The following ARMH4 variants were observed in gnomAD, a reference collection of about 807,000 sequenced individuals.
The protein encoded by ARMH4 is armadillo-like helical domain-containing protein 4.
A neutral mutation model predicts 61.9 loss-of-function variants in ARMH4; 49 were observed. The ratio of observed to expected loss-of-function variants is 0.79; its 90% CI spans 0.63 to 1.00. The LOEUF (loss-of-function observed/expected upper bound fraction) is 1.00. ARMH4 is among the 50% of genes least tolerant of loss of function. The pLI, the probability that ARMH4 is intolerant of heterozygous loss-of-function variation, is 0.00. For missense variants in ARMH4, 934 were observed against 930.0 expected, an observed-to-expected ratio of 1.00 and a Z score of -0.06; for synonymous variants, 368 against 341.5, an observed-to-expected ratio of 1.08 and a Z score of -0.85.
At chr14:58,046,576 T>G (rs938968367) in intron 5 of ARMH4, among the ~76,000 whole-genome samples, 29 of 152,192 alleles carry the variant, frequency 1.9e-4, no homozygotes, top group Non-Finnish European at 3.8e-4. Context: ...ACCTGTTGCT[T>G]AGCAAAATTA....
At chr14:58,014,932 A>T (rs1000349148) in intron 5 of ARMH4, among the ~76,000 whole-genome samples, 1 of 152,184 alleles carries the variant, frequency 6.6e-6, no homozygotes, top group Admixed American at 6.5e-5. Flanking sequence ...AAATCAAAAG[A>T]GAGGTGGAGG....
rs531239771 is a variant in ARMH4 at position 58,146,142 on chromosome 14, G to A, written c.-57+5933C>T. Among the ~76,000 whole-genome samples, 15 of 152,340 alleles carry A rather than the reference G, an allele frequency of 9.8e-5. No homozygotes were observed. In the South Asian group the frequency reaches 3.1e-3, roughly 32 times the overall value. On this transcript the variant is annotated intron_variant, in intron 1 of 7. Coordinates refer to ENST00000267485, the MANE Select transcript of ARMH4 (RefSeq NM_001001872.4). The stretch of plus-strand genomic sequence containing the variant: ...AACACTGTATCCCCTTCCTGGCAAT[G>A]TGCCTGGCACAGAAGAAATGCTCAG...
chr14:58,084,935 T>C (rs1885334295), intron 5 of ARMH4, among the ~76,000 whole-genome samples: 1 of 152,232 alleles, frequency 6.6e-6, no homozygotes, highest in South Asian at 2.1e-4. Context: ...AATAAACAAG[T>C]TGATTTCAAC....
At chr14:58,117,211 A>T (rs937824049) in intron 4 of ARMH4, among the ~76,000 whole-genome samples, 3 of 152,374 alleles carry the variant, frequency 2.0e-5, no homozygotes, top group African/African-American at 7.2e-5. Flanking sequence ...CTATTTCTCA[A>T]GTATGCTATA....
At chr14:58,108,078 G>A (rs777187602) in intron 4 of ARMH4, among the ~76,000 whole-genome samples, 6 of 152,066 alleles carry the variant, frequency 3.9e-5, no homozygotes, top group Non-Finnish European at 8.8e-5. Flanking sequence ...ATCAAATTGG[G>A]TGCAAAACTT....
intron 5 of ARMH4, among the ~76,000 whole-genome samples, chr14:58,053,034 C>T (rs904999035): frequency 6.6e-6 from 1 of 152,190 alleles, no homozygotes; most frequent in Admixed American, 6.5e-5. Context: ...CCACCAAGAT[C>T]TTTTGATCCT....
chr14:58,090,759 AAT>A (rs1161471056), intron 5 of ARMH4, among the ~76,000 whole-genome samples: 1 of 151,870 alleles, frequency 6.6e-6, no homozygotes, highest in Non-Finnish European at 1.5e-5. Context: ...GTGTGCCTGT[AAT>A]CCCAGCTACT....
rs755272273 is a variant in ARMH4, at chr14:58,138,302, T to C, written c.1057A>G (p.Met353Val). Residue 353 changes from methionine (M) to valine (V), a missense_variant, in exon 2 of 8, where the codon ATG becomes GTG. Coordinates refer to ENST00000267485, the MANE Select transcript of ARMH4 (RefSeq NM_001001872.4). ...TCTGTCCAAGGCTGGCCTCCTTCCATACCCTCATGGCTTACTTGTGCTGTC... is the reference window on the plus strand; with the variant it reads ...TCTGTCCAAGGCTGGCCTCCTTCCACACCCTCATGGCTTACTTGTGCTGTC... ...SQTAQVSHEG[M>V]EGGQPWTEAA... 6.8e-6 allele frequency: 11 copies of C among 1,614,242 alleles called. No individual in the cohort carries two copies. In the South Asian group the frequency reaches 1.1e-4, roughly 16 times the overall value.
intron 1 of ARMH4, among the ~76,000 whole-genome samples, chr14:58,149,339 T>G (rs983644341): frequency 1.3e-5 from 2 of 152,176 alleles, no homozygotes; most frequent in South Asian, 4.1e-4. Context: ...ATTAAATAGC[T>G]GAATGACAAA....
chr14:58,021,318 T>C (rs527346405), intron 5 of ARMH4, among the ~76,000 whole-genome samples: 9 of 152,272 alleles, frequency 5.9e-5, no homozygotes, highest in African/African-American at 2.2e-4. Context: ...TGATAGTGAT[T>C]AAGTCTCACA....
At chr14:58,063,177 G>A (rs1884587364) in intron 5 of ARMH4, among the ~76,000 whole-genome samples, 1 of 152,096 alleles carries the variant, frequency 6.6e-6, no homozygotes, top group Admixed American at 6.6e-5. Context: ...CAGTCTTCAA[G>A]TGACCTCCTC....
intron 5 of ARMH4, among the ~76,000 whole-genome samples, chr14:58,053,391 T>C (rs1884211321): frequency 6.6e-6 from 1 of 152,200 alleles, no homozygotes; most frequent in Non-Finnish European, 1.5e-5. Flanking sequence ...GTTTGGTCCC[T>C]GTTGGTTCAC....
chr14:58,083,311 A>G (rs534904472), intron 5 of ARMH4, among the ~76,000 whole-genome samples: 1 of 152,330 alleles, frequency 6.6e-6, no homozygotes, highest in East Asian at 1.9e-4. Context: ...CAGGCATGGT[A>G]GCTCATGCCT....
chr14:58,085,904 TA>T, intron 5 of ARMH4, among the ~76,000 whole-genome samples: 1 of 152,278 alleles, frequency 6.6e-6, no homozygotes, highest in South Asian at 2.1e-4. Context: ...ACCAGGAACC[TA>T]AAACATTTAA....
chr14:58,126,677 A>C (rs1355920304), intron 4 of ARMH4, among the ~76,000 whole-genome samples: 3 of 152,226 alleles, frequency 2.0e-5, no homozygotes, highest in Non-Finnish European at 4.4e-5. Flanking sequence ...ATAAAGACAG[A>C]CAAAACAGTC....
intron 5 of ARMH4, among the ~76,000 whole-genome samples, chr14:58,012,959 A>C (rs1182910427): frequency 6.6e-6 from 1 of 152,232 alleles, no homozygotes; most frequent in Non-Finnish European, 1.5e-5. Context: ...TTACCTTTCA[A>C]AGTCATAATA....
At chr14:58,072,256 G>A (rs1296937112) in intron 5 of ARMH4, among the ~76,000 whole-genome samples, 12 of 152,178 alleles carry the variant, frequency 7.9e-5, no homozygotes. Flanking sequence ...AAGGTTTACA[G>A]AAGCAACTTT....
rs769851282 is a variant in ARMH4 at position 58,096,921 on chromosome 14, T to C, written c.1892A>G (p.Glu631Gly). 8 of 1,613,938 alleles carry C rather than the reference T, an allele frequency of 5.0e-6. No homozygotes were observed. Among genetic ancestry groups the C allele is most frequent in the Non-Finnish European group, 5.1e-6 (6 of 1,179,974 alleles). ...EEDEDEEEED[E>G]EEDEEDKDAD... is the part of the protein sequence containing the mutation. ...ATCTTTATCTTCCTCATCTTCTTCCTCATCTTCCTCTTCTTCATCTTCATC... is the reference window on the plus strand; with the variant it reads ...ATCTTTATCTTCCTCATCTTCTTCCCCATCTTCCTCTTCTTCATCTTCATC... The change falls in exon 5 of 8, where the codon GAG becomes GGG. Residue 631 changes from glutamate (E) to glycine (G), a missense_variant. Physicochemically the swap from Glu to Gly is moderately conservative, Grantham distance 98 (BLOSUM62 -2). Coordinates refer to ENST00000267485, the MANE Select transcript of ARMH4 (RefSeq NM_001001872.4).
intron 5 of ARMH4, among the ~76,000 whole-genome samples, chr14:58,088,198 T>C (rs781333339): frequency 9.9e-5 from 15 of 152,174 alleles, no homozygotes; most frequent in Non-Finnish European, 1.9e-4. Context: ...TAAAACCTAC[T>C]AAAATCCTGA....
Sources: allele counts gnomAD v4.1 joint callset (sites outside exome capture counted in the v4.1 genomes callset), GRCh38; gene constraint gnomAD v4.1.1; transcripts MANE v1.5; gene names NCBI Gene and HGNC (gene_info 2026-07-23, HGNC 2026-07-21).